DPYD: variants seen among roughly 807,000 people sequenced by gnomAD.
The protein encoded by DPYD is dihydropyrimidine dehydrogenase, also known as dihydropyrimidine dehydrogenase [NADP(+)].
Under a neutral mutation model 116.2 loss-of-function variants are expected in DPYD, and 109 were observed. The observed-to-expected ratio is 0.94, with a 90% CI of 0.80 to 1.10. DPYD has a LOEUF of 1.10. Ranked by LOEUF, DPYD falls within the 50% of genes least tolerant of loss-of-function variation. DPYD has a pLI of 0.00. For synonymous variants in DPYD, 440 were observed against 432.0 expected (o/e 1.02, Z -0.23); for missense variants, 1,302 against 1,254.5 (o/e 1.04, Z -0.57).
At chr1:97,525,978 AGTGTGTGTGTGTGTGTGTGTGTGT>A (rs71071658) in intron 12 of DPYD, among the ~76,000 whole-genome samples, 1 of 138,118 alleles carries the variant, frequency 7.2e-6, no homozygotes, top group African/African-American at 2.8e-5. Flanking sequence ...GGTAATTAAG[AGTGTGTGTGTGTGTGTGTGTGTGT>A]GTGTGTGTGT....
At chr1:97,784,554 A>G (rs1487881813) in intron 3 of DPYD, among the ~76,000 whole-genome samples, 1 of 152,234 alleles carries the variant, frequency 6.6e-6, no homozygotes, top group Non-Finnish European at 1.5e-5. Flanking sequence ...CTCATTTAAC[A>G]AAATAGGCGA....
At chr1:97,081,150 A>C (rs78925931) in intron 22 of DPYD, among the ~76,000 whole-genome samples, 3 of 135,828 alleles carry the variant, frequency 2.2e-5, no homozygotes, top group Non-Finnish European at 3.2e-5. Context: ...GTTTTTTTTT[A>C]AATTAAAATA....
At chr1:97,833,008 A>G (rs2101501963) in intron 2 of DPYD, among the ~76,000 whole-genome samples, 1 of 152,084 alleles carries the variant, frequency 6.6e-6, no homozygotes, top group Non-Finnish European at 1.5e-5. Flanking sequence ...AAAAAAAAAA[A>G]AAAGAACAGC....
At chr1:97,230,852 T>A (rs1241988662) in intron 19 of DPYD, among the ~76,000 whole-genome samples, 1 of 152,134 alleles carries the variant, frequency 6.6e-6, no homozygotes, top group East Asian at 1.9e-4. Context: ...AAAAGAGAGA[T>A]GGCAAAGGTC....
At chr1:97,377,691 CCTT>C (rs1671713272) in intron 15 of DPYD, among the ~76,000 whole-genome samples, 1 of 152,220 alleles carries the variant, frequency 6.6e-6, no homozygotes, top group Non-Finnish European at 1.5e-5. Flanking sequence ...CCTCTCTTCT[CCTT>C]CTTTCCTTAC....
intron 20 of DPYD, among the ~76,000 whole-genome samples, chr1:97,151,937 C>T (rs1336989137): frequency 2.0e-5 from 3 of 152,132 alleles, no homozygotes; most frequent in African/African-American, 7.2e-5. Context: ...AGTATATTAT[C>T]TGAATTTGTC....
chr1:97,844,365 G>C (rs1009974390), intron 2 of DPYD, among the ~76,000 whole-genome samples: 2 of 152,144 alleles, frequency 1.3e-5, no homozygotes, highest in African/African-American at 4.8e-5. Context: ...AATGGGGGCT[G>C]GTTGCCAGTC....
At chr1:97,186,015 A>G (rs968819543) in intron 20 of DPYD, among the ~76,000 whole-genome samples, 2 of 152,210 alleles carry the variant, frequency 1.3e-5, no homozygotes, top group African/African-American at 4.8e-5. Context: ...AGAAGATACA[A>G]AACTTTTAAA....
chr1:97,830,109 T>C (rs1351327764), intron 2 of DPYD, among the ~76,000 whole-genome samples: 1 of 152,192 alleles, frequency 6.6e-6, no homozygotes. Flanking sequence ...AAGTATTCCA[T>C]GGTGTATATG....
intron 13 of DPYD, among the ~76,000 whole-genome samples, chr1:97,488,330 G>T (rs1156728532): frequency 1.3e-5 from 2 of 152,126 alleles, no homozygotes; most frequent in Non-Finnish European, 2.9e-5. Context: ...TGTGAGGGTT[G>T]CTTGTGATGA....
rs1474925353 is a variant in DPYD, at chr1:97,899,292, G to C, written c.40-15918C>G. Among the ~76,000 whole-genome samples, 3 of 151,588 alleles carry C rather than the reference G, an allele frequency of 2.0e-5. No homozygotes were observed. In the East Asian group the frequency reaches 5.9e-4, roughly 30 times the overall value. On this transcript the variant is annotated intron_variant, in intron 1 of 22. Transcript: ENST00000370192. Reference sequence around the variant, plus strand: ...TAAAAACCCTGGATACTAAGGTTTGGGTGAGCTTCCCTTATTGGCAACTCT... The same window carrying C: ...TAAAAACCCTGGATACTAAGGTTTGCGTGAGCTTCCCTTATTGGCAACTCT...
intron 8 of DPYD, among the ~76,000 whole-genome samples, chr1:97,596,811 C>T (rs1164644950): frequency 6.6e-6 from 1 of 152,214 alleles, no homozygotes; most frequent in East Asian, 1.9e-4. Context: ...CCCCATCCAG[C>T]ATCCCCTGAA....
intron 3 of DPYD, among the ~76,000 whole-genome samples, chr1:97,784,988 G>C (rs1028060594): frequency 6.6e-6 from 1 of 152,102 alleles, no homozygotes; most frequent in Non-Finnish European, 1.5e-5. Context: ...TAAGCTATTT[G>C]TAAAATATAA....
intron 20 of DPYD, among the ~76,000 whole-genome samples, chr1:97,136,456 G>A (rs1202733107): frequency 1.3e-5 from 2 of 152,108 alleles, no homozygotes; most frequent in Non-Finnish European, 2.9e-5. Context: ...GGACTGCCTC[G>A]CGAATCCAGT....
intron 4 of DPYD, among the ~76,000 whole-genome samples, chr1:97,723,241 T>C (rs571595752): frequency 3.3e-5 from 5 of 151,698 alleles, no homozygotes; most frequent in African/African-American, 1.2e-4. Flanking sequence ...TCTACATATA[T>C]TTTCTGAATA....
intron 2 of DPYD, among the ~76,000 whole-genome samples, chr1:97,841,875 A>G (rs1375940823): frequency 6.6e-6 from 1 of 151,992 alleles, no homozygotes; most frequent in Non-Finnish European, 1.5e-5. Context: ...GAGACAAGAA[A>G]TTTTCCTGTA....
At position 97,234,849 on chromosome 1, in the gene DPYD, T is replaced by C; in HGVS notation, c.2442+3A>G. 1.2e-6 allele frequency: 2 copies of C among 1,613,890 alleles called. No individual in the cohort carries two copies. Among genetic ancestry groups the C allele is most frequent in the African/African-American group, 2.7e-5 (2 of 75,054 alleles). ...AAAAGGGACAGACAAACACAATGAC[T>C]ACCTGGAGGACGGAAGCACCACTAT... is the stretch of plus-strand genomic sequence containing the variant. On this transcript the variant is annotated splice_donor_region_variant and intron_variant, in intron 19 of 22. Transcript: ENST00000370192.
chr1:97,446,824 A>G (rs1196831958), intron 14 of DPYD, among the ~76,000 whole-genome samples: 1 of 152,204 alleles, frequency 6.6e-6, no homozygotes, highest in Admixed American at 6.5e-5. Context: ...GACTTCTGCA[A>G]GCCCTAGTTA....
intron 12 of DPYD, among the ~76,000 whole-genome samples, chr1:97,528,239 G>T (rs1226028476): frequency 4.6e-5 from 7 of 152,162 alleles, no homozygotes; most frequent in African/African-American, 1.7e-4. Context: ...TATAAAAACA[G>T]ATTTCATTCT....
Sources: allele counts gnomAD v4.1 joint callset (sites outside exome capture counted in the v4.1 genomes callset), GRCh38; gene constraint gnomAD v4.1.1; transcripts MANE v1.5; gene names NCBI Gene and HGNC (gene_info 2026-07-23, HGNC 2026-07-21).